The following MAST4 variants were observed in gnomAD, a reference collection of about 807,000 sequenced individuals.
MAST4 encodes the protein microtubule associated serine/threonine kinase family member 4, also known as microtubule-associated serine/threonine-protein kinase 4.
A neutral mutation model predicts 162.7 loss-of-function variants in MAST4; 89 were observed. That is an observed-to-expected ratio of 0.55 (90% CI 0.46 to 0.65). MAST4 has a LOEUF of 0.65. MAST4 is among the 30% of genes least tolerant of loss of function. The pLI is 0.00. For synonymous variants in MAST4, 1,479 were observed against 1,361.1 expected, an observed-to-expected ratio of 1.09 and a Z score of -1.91; for missense variants, 3,153 against 3,374.0, an observed-to-expected ratio of 0.93 and a Z score of 1.62.
intron 19 of MAST4, among the ~76,000 whole-genome samples, chr5:67,138,976 A>G (rs1770030681): frequency 6.6e-6 from 1 of 152,180 alleles, no homozygotes; most frequent in Non-Finnish European, 1.5e-5. Flanking sequence ...GTGTTTATAA[A>G]TCATAGGCTG....
rs1243467097 is a variant in MAST4, at chr5:66,855,556, G to A, written c.643-44395G>A. 5.9e-5 allele frequency among the ~76,000 whole-genome samples: 9 copies of A among 152,284 alleles called. No homozygotes were observed. In the South Asian group the frequency reaches 1.2e-3, roughly 21 times the overall value. ...TGAGAATTTGAAGGCAAGTAGCTTCGGGATGTTGTCAAGAAGCAGGAATGA... is the reference window on the plus strand; with the variant it reads ...TGAGAATTTGAAGGCAAGTAGCTTCAGGATGTTGTCAAGAAGCAGGAATGA... On this transcript the variant is annotated intron_variant, in intron 3 of 28. Coordinates refer to ENST00000403625, the MANE Select transcript of MAST4 (RefSeq NM_001164664.2).
At chr5:66,689,190 T>C (rs549944233) in intron 1 of MAST4, among the ~76,000 whole-genome samples, 31 of 152,144 alleles carry the variant, frequency 2.0e-4, no homozygotes, top group Non-Finnish European at 4.1e-4. Context: ...AATTTCTTCA[T>C]GTTTGTGAAG....
At chr5:66,691,908 GC>G (rs973586223) in intron 1 of MAST4, among the ~76,000 whole-genome samples, 52 of 152,208 alleles carry the variant, frequency 3.4e-4, no homozygotes, top group African/African-American at 1.2e-3. Context: ...AGTGTCCTAG[GC>G]TAAGAGTTTA....
At chr5:67,130,743 A>G (rs1039177810) in intron 15 of MAST4, among the ~76,000 whole-genome samples, 2 of 152,216 alleles carry the variant, frequency 1.3e-5, no homozygotes, top group Admixed American at 6.5e-5. Flanking sequence ...ATTACATATC[A>G]TAAAAGTACT....
intron 4 of MAST4, among the ~76,000 whole-genome samples, chr5:67,038,779 A>G (rs1283690643): frequency 6.6e-6 from 1 of 152,196 alleles, no homozygotes; most frequent in Non-Finnish European, 1.5e-5. Context: ...TGAAATACAT[A>G]GCATCAAATT....
In MAST4 at chr5:66,940,893, A is replaced by C. The variant is rs989891892; in HGVS notation, c.674+40911A>C. Among the ~76,000 whole-genome samples, 17 of 152,168 alleles carry C rather than the reference A, an allele frequency of 1.1e-4. 1 individual carries two copies. The highest frequency in any genetic ancestry group is 9.8e-4 in the Admixed American group (15 of 15,266). Reference sequence around the variant, plus strand: ...GGGAATCAGAATTACTCCTTAATCCATGGGTTGCAGAGTGGATGTTTTGTT... The same window carrying C: ...GGGAATCAGAATTACTCCTTAATCCCTGGGTTGCAGAGTGGATGTTTTGTT... On this transcript the variant is annotated intron_variant, in intron 4 of 28. Transcript: ENST00000403625.
At chr5:66,992,540 T>A (rs1750180366) in intron 4 of MAST4, among the ~76,000 whole-genome samples, 1 of 152,212 alleles carries the variant, frequency 6.6e-6, no homozygotes, top group Non-Finnish European at 1.5e-5. Flanking sequence ...CCCTTTAAAC[T>A]GTAAAGCCAG....
intron 3 of MAST4, among the ~76,000 whole-genome samples, chr5:66,892,762 G>A (rs1229040973): frequency 6.6e-6 from 1 of 152,000 alleles, no homozygotes; most frequent in Non-Finnish European, 1.5e-5. Flanking sequence ...GTGGAGTATA[G>A]GGGAAAAAAT....
intron 4 of MAST4, among the ~76,000 whole-genome samples, chr5:66,981,289 C>A (rs706701): frequency 0.22 from 33,537 of 152,032 alleles, 3,932 homozygotes; most frequent in East Asian, 0.31. Flanking sequence ...GGAAATTATC[C>A]GCTCAAAATA....
intron 11 of MAST4, among the ~76,000 whole-genome samples, chr5:67,111,390 G>A (rs1766226630): frequency 6.6e-6 from 1 of 152,194 alleles, no homozygotes; most frequent in Non-Finnish European, 1.5e-5. Flanking sequence ...ACGTACTAGT[G>A]CCTTGTAAGA....
intron 4 of MAST4, among the ~76,000 whole-genome samples, chr5:66,949,500 G>A (rs1233735269): frequency 1.3e-5 from 2 of 152,082 alleles, no homozygotes; most frequent in Admixed American, 6.6e-5. Flanking sequence ...TTCCCCTTCC[G>A]CCATGATTGT....
Position 66,690,541 on chromosome 5 carries a change from C to T in MAST4, c.364-69168C>T, listed in dbSNP as rs184422198. On this transcript the variant is annotated intron_variant, in intron 1 of 28. Transcript: ENST00000403625. The stretch of plus-strand genomic sequence containing the variant: ...GGAAGATTTTCAACTCCCTTTTCTT[C>T]AAATACAAGAATGTTCTGAATGACC... Among the ~76,000 whole-genome samples, 49 of 152,286 alleles carry T rather than the reference C, an allele frequency of 3.2e-4. 2 individuals are homozygous for T. In the East Asian group the frequency reaches 9.1e-3, roughly 28 times the overall value.
Position 66,863,194 on chromosome 5 carries a change from C to G in MAST4, c.643-36757C>G, listed in dbSNP as rs1760240676. On this transcript the variant is annotated intron_variant, in intron 3 of 28. Transcript: ENST00000403625. Reference sequence around the variant, plus strand: ...GATATGTGGGCTTCACAGATAATATCTAGTTCACCCCTTCAGCATTTCTGG... The same window carrying G: ...GATATGTGGGCTTCACAGATAATATGTAGTTCACCCCTTCAGCATTTCTGG... 2.0e-5 allele frequency among the ~76,000 whole-genome samples: 3 copies of G among 152,158 alleles called. No homozygotes were observed. In the South Asian group the frequency reaches 6.2e-4, roughly 32 times the overall value.
intron 3 of MAST4, among the ~76,000 whole-genome samples, chr5:66,845,386 G>A (rs1184016430): frequency 6.6e-6 from 1 of 151,600 alleles, no homozygotes; most frequent in Middle Eastern, 3.2e-3. Flanking sequence ...TTTTGTCCTT[G>A]CGATAGTTTG....
At chr5:66,781,640 A>G (rs1754875066) in intron 2 of MAST4, among the ~76,000 whole-genome samples, 1 of 151,996 alleles carries the variant, frequency 6.6e-6, no homozygotes, top group South Asian at 2.1e-4. Flanking sequence ...GGTTGTACAC[A>G]TTTTTTCAGA....
intron 4 of MAST4, among the ~76,000 whole-genome samples, chr5:67,049,008 C>CACATATATATACGTAT (rs1362965159): frequency 9.6e-5 from 10 of 104,514 alleles, no homozygotes; most frequent in African/African-American, 4.1e-4. Flanking sequence ...TATACACACA[C>CACATATATATACGTAT]ATATATATAT....
intron 3 of MAST4, among the ~76,000 whole-genome samples, chr5:66,789,132 T>C (rs1755262686): frequency 6.6e-6 from 1 of 152,210 alleles, no homozygotes; most frequent in Non-Finnish European, 1.5e-5. Context: ...ATCCTTTATC[T>C]AGATCTGACT....
At chr5:66,853,378 T>A (rs1001966179) in intron 3 of MAST4, among the ~76,000 whole-genome samples, 11 of 152,336 alleles carry the variant, frequency 7.2e-5, no homozygotes, top group Middle Eastern at 3.4e-3. Flanking sequence ...TTATGTAGGA[T>A]GCTTAGGATT....
chr5:67,161,658 G>T (rs1773196505), intron 27 of MAST4, among the ~76,000 whole-genome samples: 2 of 152,190 alleles, frequency 1.3e-5, no homozygotes. Context: ...TCTTTGGGGA[G>T]TAGAGAAAAA....
Sources: gnomAD v4.1 joint callset for allele counts (sites outside exome capture counted in the v4.1 genomes callset) on GRCh38, gnomAD v4.1.1 for gene constraint, MANE v1.5 for transcripts, NCBI Gene and HGNC (gene_info 2026-07-23, HGNC 2026-07-21) for gene names.